MRPS6: variants seen among roughly 807,000 people sequenced by gnomAD.
MRPS6 encodes small ribosomal subunit protein bS6m.
In MRPS6, 6 loss-of-function variants were observed where a neutral mutation model predicts 13.1. The observed-to-expected ratio is 0.46, with a 90% CI of 0.25 to 0.91. The LOEUF is 0.91. Ranked by LOEUF, MRPS6 falls within the 40% of genes least tolerant of loss-of-function variation. The pLI is 0.18. For missense variants in MRPS6, 164 were observed against 155.6 expected (o/e 1.05, Z -0.29); for synonymous variants, 61 against 56.5 (o/e 1.08, Z -0.36).
chr21:34,118,356 ATGT>A (rs1264007573), intron 1 of MRPS6, among the ~76,000 whole-genome samples: 2 of 152,064 alleles, frequency 1.3e-5, no homozygotes, highest in Admixed American at 1.3e-4. Context: ...TTTTTCCAAA[ATGT>A]TGTGACTCTT....
intron 2 of MRPS6, chr21:34,136,021 C>G (rs1260099721): frequency 3.5e-6 from 1 of 281,700 alleles, no homozygotes; most frequent in East Asian, 1.0e-4. Flanking sequence ...TCCCAAAGAG[C>G]TTGGTGTCAG....
chr21:34,107,297 TG>T (rs894530196), intron 1 of MRPS6, among the ~76,000 whole-genome samples: 1 of 152,204 alleles, frequency 6.6e-6, no homozygotes, highest in Non-Finnish European at 1.5e-5. Flanking sequence ...AGTTTGGGTT[TG>T]TCTGTTCCCT....
chr21:34,138,665 A>G (rs894698782), intron 2 of MRPS6, among the ~76,000 whole-genome samples: 7 of 152,086 alleles, frequency 4.6e-5, no homozygotes, highest in African/African-American at 1.5e-4. Context: ...TAGAATGGCA[A>G]TCATTAAAAA....
At chr21:34,104,597 T>TA (rs1293849511) in intron 1 of MRPS6, 1 of 999,994 alleles carries the variant, frequency 1.0e-6, no homozygotes, top group Non-Finnish European at 1.2e-6. Flanking sequence ...TTAGAAGAGT[T>TA]AACCTGAACA....
At chr21:34,074,931 CTA>C (rs920696188) in intron 1 of MRPS6, among the ~76,000 whole-genome samples, 4 of 152,118 alleles carry the variant, frequency 2.6e-5, no homozygotes, top group African/African-American at 7.3e-5. Context: ...CAGTGCCTCT[CTA>C]TGAGGTCCAG....
At chr21:34,127,938 C>T (rs573437471) in intron 2 of MRPS6, among the ~76,000 whole-genome samples, 1 of 152,204 alleles carries the variant, frequency 6.6e-6, no homozygotes, top group Non-Finnish European at 1.5e-5. Context: ...GGCTATGACA[C>T]GTATCCGAAA....
At chr21:34,135,672 G>A in intron 2 of MRPS6, 1 of 380,894 alleles carries the variant, frequency 2.6e-6, no homozygotes. Flanking sequence ...CAAAGCCTGT[G>A]GAGTCCTCCT....
At chr21:34,113,429 A>G (rs985311489) in intron 1 of MRPS6, among the ~76,000 whole-genome samples, 1 of 152,234 alleles carries the variant, frequency 6.6e-6, no homozygotes, top group African/African-American at 2.4e-5. Context: ...GGATGAGCCT[A>G]GAGGACATTA....
rs1979716248 is a variant in MRPS6 at position 34,111,927 on chromosome 21, A to G, written c.46-13414A>G. Among the ~76,000 whole-genome samples, 5 of 151,956 alleles carry G rather than the reference A, an allele frequency of 3.3e-5. No individual in the cohort carries two copies. The South Asian group carries it at 8.3e-4, about 25-fold the overall frequency. ...CATTTGGTTTTGTATTTTAATCCCA[A>G]GAATTTTTAGAAGTTTGGATGCACT... is the stretch of plus-strand genomic sequence containing the variant. On this transcript the variant is annotated intron_variant, in intron 1 of 2. Transcript: ENST00000399312.
chr21:34,093,682 T>TA (rs2148658614), intron 1 of MRPS6, among the ~76,000 whole-genome samples: 1 of 152,332 alleles, frequency 6.6e-6, no homozygotes, highest in South Asian at 2.1e-4. Context: ...TTAGGTTGAA[T>TA]AAAATTGTTG....
chr21:34,083,929 A>T (rs1415436794), intron 1 of MRPS6, among the ~76,000 whole-genome samples: 1 of 152,232 alleles, frequency 6.6e-6, no homozygotes, highest in East Asian at 1.9e-4. Flanking sequence ...TACAAAGAAA[A>T]CAGTCGTGAC....
rs764291047 is a variant in MRPS6, at chr21:34,096,858, G to T, written c.45+23113G>T. The T allele has an allele frequency of 6.8e-6, 11 of 1,613,968 alleles. No individual in the cohort carries two copies. In the Admixed American group the frequency reaches 1.0e-4, roughly 15 times the overall value. ...CTTTTGGTCTAAGAAGAACCTGGTGGTGAAGGAGAACTGCTCCCCAAAAGA... is the reference window on the plus strand; with the variant it reads ...CTTTTGGTCTAAGAAGAACCTGGTGTTGAAGGAGAACTGCTCCCCAAAAGA... On this transcript the variant is annotated intron_variant, in intron 1 of 2. Coordinates refer to ENST00000399312, the MANE Select transcript of MRPS6 (RefSeq NM_032476.4). This position sits in a 1 kb window ranked among gnomAD's most constrained non-coding sequence, Gnocchi z 5.9.
At chr21:34,090,261 T>A (rs1978617685) in intron 1 of MRPS6, among the ~76,000 whole-genome samples, 1 of 152,208 alleles carries the variant, frequency 6.6e-6, no homozygotes, top group Non-Finnish European at 1.5e-5. Flanking sequence ...TTGCTCCACA[T>A]TTTTAAAGTA....
chr21:34,099,699 T>C (rs1979146930), intron 1 of MRPS6: 3 of 998,004 alleles, frequency 3.0e-6, no homozygotes, highest in Non-Finnish European at 3.6e-6. Flanking sequence ...GTAAGATACA[T>C]AAGGTACATC....
chr21:34,088,052 G>C (rs1016096855), intron 1 of MRPS6, among the ~76,000 whole-genome samples: 2 of 152,176 alleles, frequency 1.3e-5, no homozygotes, highest in Admixed American at 1.3e-4. Context: ...TCATACCCCG[G>C]AACAACAGGC....
Position 34,096,668 on chromosome 21 carries a change from C to T in MRPS6, c.45+22923C>T, listed in dbSNP as rs1024914411. The T allele has an allele frequency of 4.3e-6, 7 of 1,614,144 alleles. No homozygotes were observed. Among genetic ancestry groups the T allele is most frequent in the African/African-American group, 1.3e-5 (1 of 75,034 alleles). ...CAGTCCGTTTGATACTGGCCTTTGC[C>T]TACCGTGCCCCAGAATGTGACCAAC... On this transcript the variant is annotated intron_variant, in intron 1 of 2. Coordinates refer to ENST00000399312, the MANE Select transcript of MRPS6 (RefSeq NM_032476.4). This position sits in a 1 kb window ranked among gnomAD's most constrained non-coding sequence, Gnocchi z 5.9.
intron 2 of MRPS6, among the ~76,000 whole-genome samples, chr21:34,127,331 T>C (rs1980344440): frequency 1.3e-5 from 2 of 152,300 alleles, no homozygotes; most frequent in South Asian, 2.1e-4. Context: ...TTTTTTAAAG[T>C]GTGGTCTCTG....
chr21:34,086,327 A>G (rs1273391870), intron 1 of MRPS6, among the ~76,000 whole-genome samples: 1 of 152,124 alleles, frequency 6.6e-6, no homozygotes, highest in Non-Finnish European at 1.5e-5. Context: ...GTGGGTACAG[A>G]TGTTAGCAGC....
intron 1 of MRPS6, among the ~76,000 whole-genome samples, chr21:34,111,122 C>A (rs1487937771): frequency 6.6e-6 from 1 of 152,190 alleles, no homozygotes; most frequent in African/African-American, 2.4e-5. Context: ...TAGGGGACTG[C>A]AGTTTTCCAC....
Sources: gnomAD v4.1 joint callset for allele counts (sites outside exome capture counted in the v4.1 genomes callset) on GRCh38, gnomAD v4.1.1 for gene constraint, Gnocchi (gnomAD v3.1) non-coding constraint, MANE v1.5 for transcripts, NCBI Gene and HGNC (gene_info 2026-07-23, HGNC 2026-07-21) for gene names.